The following TBC1D4 variants were observed in gnomAD, a reference collection of about 807,000 sequenced individuals.
TBC1D4 encodes the protein TBC (Tre-2, BUB2, CDC16) domain-containing protein.
Under a neutral mutation model 142.5 loss-of-function variants are expected in TBC1D4, and 121 were observed. That is an observed-to-expected ratio of 0.85 (90% confidence interval 0.73 to 0.99). The LOEUF (loss-of-function observed/expected upper bound fraction) is 0.99, where lower values mean the gene tolerates loss of function less well. Among genes scored for constraint, TBC1D4 ranks in the 50% least tolerant of loss-of-function variants. TBC1D4 has a pLI of 0.00. For missense variants in TBC1D4, 1,475 were observed against 1,606.6 expected (o/e 0.92, Z 1.40); for synonymous variants, 630 against 628.2 (o/e 1.00, Z -0.04).
chr13:75,302,469 T>G, intron 15 of TBC1D4, 68 bp from the exon 16 acceptor site: 1 of 1,587,066 alleles, frequency 6.3e-7, no homozygotes, highest in Non-Finnish European at 8.6e-7. Context: ...CCCAGCTGAT[T>G]CACTATATAA....
intron 8 of TBC1D4, among the ~76,000 whole-genome samples, chr13:75,336,390 C>T (rs545145617): frequency 6.8e-6 from 1 of 146,516 alleles, no homozygotes; most frequent in Non-Finnish European, 1.5e-5. Flanking sequence ...AGCAAGACTT[C>T]GTCTCAAGGA....
chr13:75,449,673 C>T (rs748065456), intron 1 of TBC1D4, among the ~76,000 whole-genome samples: 6 of 149,066 alleles, frequency 4.0e-5, no homozygotes, highest in Non-Finnish European at 4.5e-5. Flanking sequence ...GCAGGCTTCG[C>T]TTCTTGGGTT....
At chr13:75,335,458 T>C (rs1880116913) in intron 8 of TBC1D4, among the ~76,000 whole-genome samples, 1 of 152,182 alleles carries the variant, frequency 6.6e-6, no homozygotes, top group Non-Finnish European at 1.5e-5. Context: ...TACATAAATT[T>C]CCATTAATTT....
At chr13:75,420,020 C>A (rs1886095726) in intron 1 of TBC1D4, among the ~76,000 whole-genome samples, 1 of 152,146 alleles carries the variant, frequency 6.6e-6, no homozygotes, top group Non-Finnish European at 1.5e-5. Flanking sequence ...ATGAGAAGAA[C>A]ACTGCGTGAA....
intron 18 of TBC1D4, among the ~76,000 whole-genome samples, chr13:75,293,254 C>T (rs765242674): frequency 3.3e-5 from 5 of 152,154 alleles, no homozygotes; most frequent in African/African-American, 9.7e-5. Context: ...TAATATACAA[C>T]AGGGAGTCTT....
intron 1 of TBC1D4, among the ~76,000 whole-genome samples, chr13:75,369,524 C>T: frequency 7.1e-6 from 1 of 140,316 alleles, no homozygotes; most frequent in East Asian, 2.1e-4. Flanking sequence ...CACACACACA[C>T]AATCAAAATT....
At chr13:75,300,496 C>T (rs912412026) in intron 16 of TBC1D4, among the ~76,000 whole-genome samples, 3 of 151,658 alleles carry the variant, frequency 2.0e-5, no homozygotes, top group Non-Finnish European at 2.9e-5. Context: ...TTTTCTCCCA[C>T]ATATGCTTAA....
chr13:75,351,455 C>T (rs1277303213), intron 4 of TBC1D4, among the ~76,000 whole-genome samples: 1 of 151,338 alleles, frequency 6.6e-6, no homozygotes. Context: ...TTTTAGGGTA[C>T]ATGTGCACAA....
At chr13:75,370,534 G>C (rs999976760) in intron 1 of TBC1D4, among the ~76,000 whole-genome samples, 1 of 152,120 alleles carries the variant, frequency 6.6e-6, no homozygotes, top group Non-Finnish European at 1.5e-5. Context: ...AATTGTAAAG[G>C]TACAGACATG....
chr13:75,392,893 G>A (rs1168559228), intron 1 of TBC1D4, among the ~76,000 whole-genome samples: 1 of 151,982 alleles, frequency 6.6e-6, no homozygotes, highest in Non-Finnish European at 1.5e-5. Context: ...TCCTGCCTTG[G>A]CCTCCCAAAA....
intron 19 of TBC1D4, among the ~76,000 whole-genome samples, chr13:75,291,258 G>C (rs1462671103): frequency 7.0e-4 from 106 of 152,262 alleles, no homozygotes; most frequent in African/African-American, 2.4e-3. Context: ...AGAAGGGGCA[G>C]GAGAAAAGGG....
At chr13:75,356,824 T>C (rs1458526758) in intron 3 of TBC1D4, among the ~76,000 whole-genome samples, 1 of 152,218 alleles carries the variant, frequency 6.6e-6, no homozygotes, top group Admixed American at 6.5e-5. Context: ...TTGTACTTCC[T>C]GGACCCAGGC....
chr13:75,295,080 T>C lies in TBC1D4; in HGVS notation c.3157-67A>G, dbSNP rs937097960. ...TCTGCATGTGCATCAAACACACTGATTTTAATTTTATTCTAATATTTAATA... is the reference window on the plus strand; with the variant it reads ...TCTGCATGTGCATCAAACACACTGACTTTAATTTTATTCTAATATTTAATA... On this transcript the variant is annotated intron_variant, in intron 17 of 20. Transcript: ENST00000377636. 6.4e-6 allele frequency: 9 copies of C among 1,406,782 alleles called. No individual in the cohort carries two copies. The Admixed American group carries it at 1.6e-4, about 25-fold the overall frequency. The allele number at this position is 1,406,782 out of a possible 1,614,324, so 87.1% of individuals were successfully genotyped here. A position where few individuals can be genotyped will look rare whatever the true frequency, so the allele number is the denominator to read the frequency against.
chr13:75,386,660 T>C (rs962168952), intron 1 of TBC1D4, among the ~76,000 whole-genome samples: 24 of 152,180 alleles, frequency 1.6e-4, no homozygotes, highest in Non-Finnish European at 7.3e-5. Flanking sequence ...AGTGCTGGGA[T>C]TCAGATTTGC....
intron 1 of TBC1D4, among the ~76,000 whole-genome samples, chr13:75,411,375 C>T (rs1459060574): frequency 1.3e-5 from 2 of 152,222 alleles, no homozygotes; most frequent in Admixed American, 1.3e-4. Flanking sequence ...TCCTCTCAAA[C>T]CCACAAACAT....
rs193243124 is a variant in TBC1D4 at position 75,327,499 on chromosome 13, T to G, written c.1806+253A>C. On this transcript the variant is annotated intron_variant, in intron 9 of 20. Transcript: ENST00000377636. ...TTTTATAAGGCATTGGATCAATAGT[T>G]GCTCAAATACTGTTGTCCAAAGCAT... 1.9e-3 allele frequency among the ~76,000 whole-genome samples: 297 copies of G among 152,336 alleles called. 1 individual carries two copies. The highest frequency in any genetic ancestry group is 6.7e-3 in the African/African-American group (279 of 41,570).
Position 75,286,805 on chromosome 13 carries a change from C to G in TBC1D4, c.3884G>C (p.Gly1295Ala). The change falls in exon 21 of 21, where the codon GGA becomes GCA. Residue 1295 changes from glycine to alanine, a missense_variant. Gly to Ala is a moderately conservative substitution (Grantham distance 60, BLOSUM62 0). This residue lies in a region of TBC1D4 where 248 missense variants were observed against 338.9 expected (regional missense o/e 0.73). Transcript: ENST00000377636. ...GTGCCTCTTCAATTATGGCTTATTT[C>G]CTATCTTGGCTTTGTTGTTAGGGTT... ...NCNPNNKAKIGNKP is the reference protein window; with the variant it reads ...NCNPNNKAKIANKP 6.2e-7 allele frequency: 1 copy of G among 1,613,716 alleles called. No homozygotes were observed. Among genetic ancestry groups the G allele is most frequent in the East Asian group, 2.2e-5 (1 of 44,868 alleles).
intron 1 of TBC1D4, among the ~76,000 whole-genome samples, chr13:75,410,634 C>T (rs938372214): frequency 6.6e-6 from 1 of 152,164 alleles, no homozygotes. Context: ...AAAATAACTA[C>T]TTTAGAAATA....
chr13:75,480,435 A>C (rs1250877671), intron 1 of TBC1D4, among the ~76,000 whole-genome samples: 1 of 152,212 alleles, frequency 6.6e-6, no homozygotes, highest in African/African-American at 2.4e-5. Flanking sequence ...ATCACTGCAT[A>C]GTCAAGTTCT....
Sources: allele counts gnomAD v4.1 joint callset (sites outside exome capture counted in the v4.1 genomes callset), GRCh38; gene constraint gnomAD v4.1.1; regional missense constraint gnomAD v4.1.1; transcripts MANE v1.5; gene names NCBI Gene and HGNC (gene_info 2026-07-23, HGNC 2026-07-21).